The following MMP16 variants were observed in gnomAD, a reference collection of about 807,000 sequenced individuals.
MMP16 encodes the protein matrix metallopeptidase 16.
Under a neutral mutation model 67.8 loss-of-function variants are expected in MMP16, and 12 were observed. The ratio of observed to expected loss-of-function variants is 0.18; its 90% confidence interval spans 0.11 to 0.29. The LOEUF is 0.29. Among genes scored for constraint, MMP16 ranks in the 10% least tolerant of loss-of-function variants. The pLI, the probability that MMP16 is intolerant of heterozygous loss-of-function variation, is 1.00. For synonymous variants in MMP16, 249 were observed against 255.9 expected, an observed-to-expected ratio of 0.97 and a Z score of 0.26; for missense variants, 475 against 765.7, an observed-to-expected ratio of 0.62 and a Z score of 4.48.
Position 88,032,920 on chromosome 8 carries a change from T to C in MMP16, c.*8541A>G, listed in dbSNP as rs1808004584. Reference sequence around the variant, plus strand: ...GCAGAAACTTAAATCTAGATTTTAATACTCTCTCCATAATTGAAAACATCA... The same window carrying C: ...GCAGAAACTTAAATCTAGATTTTAACACTCTCTCCATAATTGAAAACATCA... On this transcript the variant is annotated 3_prime_UTR_variant, in exon 10 of 10. Transcript: ENST00000286614. The C allele has an allele frequency of 6.6e-6, 1 of 152,098 alleles. No individual in the cohort carries two copies. The highest frequency in any genetic ancestry group is 1.5e-5 in the Non-Finnish European group (1 of 67,988). The allele number at this position is 152,098 out of a possible 1,614,324, so 9.4% of individuals were successfully genotyped here. A position where few individuals can be genotyped will look rare whatever the true frequency, so the allele number is the denominator to read the frequency against.
chr8:88,151,756 A>C (rs568594526), intron 4 of MMP16, among the ~76,000 whole-genome samples: 47 of 151,856 alleles, frequency 3.1e-4, no homozygotes, highest in African/African-American at 5.8e-4. Context: ...CCACGAGAGA[A>C]AGCAGGAAAG....
At chr8:88,075,714 G>A (rs1313102959) in intron 6 of MMP16, among the ~76,000 whole-genome samples, 2 of 152,174 alleles carry the variant, frequency 1.3e-5, no homozygotes, top group East Asian at 1.9e-4. Flanking sequence ...TTAAATTTCT[G>A]TATGTATAAG....
intron 3 of MMP16, among the ~76,000 whole-genome samples, chr8:88,181,420 T>C (rs1438768666): frequency 1.3e-5 from 2 of 151,986 alleles, no homozygotes; most frequent in East Asian, 1.9e-4. Context: ...ATGAAAAACA[T>C]AATACCATTT....
Position 88,247,397 on chromosome 8 carries a change from CAT to C in MMP16, c.133-50093_133-50092del, listed in dbSNP as rs1227828078. Reference sequence around the variant, plus strand: ...CCATCATTATATTAGTTTTCAGAAACATGTGACGAGGCGCCCAGAGGGTATAA... The same window carrying C: ...CCATCATTATATTAGTTTTCAGAAACGTGACGAGGCGCCCAGAGGGTATAA... On this transcript the variant is annotated intron_variant, in intron 1 of 9. Transcript: ENST00000286614. 4.1e-4 allele frequency among the ~76,000 whole-genome samples: 62 copies of C among 152,020 alleles called. 1 individual carries two copies. Among genetic ancestry groups the C allele is most frequent in the African/African-American group, 1.4e-3 (57 of 41,374 alleles).
intron 4 of MMP16, among the ~76,000 whole-genome samples, chr8:88,127,135 A>G (rs1807947774): frequency 6.6e-6 from 1 of 151,926 alleles, no homozygotes; most frequent in African/African-American, 2.4e-5. Context: ...CTGGTTAAAC[A>G]TGGTTACTAT....
chr8:88,055,985 T>C, intron 8 of MMP16, 143 bp downstream of exon 8: 1 of 516,496 alleles, frequency 1.9e-6, no homozygotes, highest in Non-Finnish European at 3.1e-6. Flanking sequence ...TTATTTGAAA[T>C]GTAAAACAAT....
rs1217568670 is a variant in MMP16, at chr8:88,088,886, GA to G, written c.1084-14144del. ...GGTCATTTTTATGGGTTTTACCCAT[GA>G]ATTACTGTTGAATACAAAAGCAATT... On this transcript the variant is annotated intron_variant, in intron 6 of 9. Transcript: ENST00000286614. Among the ~76,000 whole-genome samples the G allele has an allele frequency of 2.6e-5, 4 of 152,106 alleles. No individual in the cohort carries two copies. The East Asian group carries it at 7.8e-4, about 30-fold the overall frequency.
At chr8:88,111,635 T>C (rs1334149169) in intron 6 of MMP16, among the ~76,000 whole-genome samples, 1 of 151,194 alleles carries the variant, frequency 6.6e-6, no homozygotes, top group Non-Finnish European at 1.5e-5. Flanking sequence ...TATTGAAGAG[T>C]TTTTAGCAGT....
intron 1 of MMP16, among the ~76,000 whole-genome samples, chr8:88,200,979 A>G (rs1291172687): frequency 6.6e-6 from 1 of 151,944 alleles, no homozygotes; most frequent in Non-Finnish European, 1.5e-5. Context: ...GAAGCTAGTA[A>G]GTTTATCAAT....
In MMP16 at chr8:88,318,676, G is replaced by A. The variant is rs533777530; in HGVS notation, c.132+8399C>T. 2.0e-5 allele frequency among the ~76,000 whole-genome samples: 3 copies of A among 152,246 alleles called. No homozygotes were observed. The South Asian group carries it at 6.2e-4, about 32-fold the overall frequency. ...AACCTTGGCAAGTTCTTCAAACCCTGTGTTGCAGATCCAACACTGTGTAAC... is the reference window on the plus strand; with the variant it reads ...AACCTTGGCAAGTTCTTCAAACCCTATGTTGCAGATCCAACACTGTGTAAC... On this transcript the variant is annotated intron_variant, in intron 1 of 9. Transcript: ENST00000286614.
intron 3 of MMP16, among the ~76,000 whole-genome samples, chr8:88,176,114 T>C (rs1358800511): frequency 6.6e-6 from 1 of 152,180 alleles, no homozygotes; most frequent in Non-Finnish European, 1.5e-5. Flanking sequence ...GACACTAAGA[T>C]TTAGTGGATC....
At chr8:88,097,730 T>C (rs745895958) in intron 6 of MMP16, among the ~76,000 whole-genome samples, 9 of 151,482 alleles carry the variant, frequency 5.9e-5, no homozygotes, top group African/African-American at 7.3e-5. Context: ...TGAAAATCAA[T>C]TATGACAAAG....
chr8:88,043,033 T>C (rs778721984), intron 9 of MMP16, among the ~76,000 whole-genome samples: 1 of 152,218 alleles, frequency 6.6e-6, no homozygotes, highest in Non-Finnish European at 1.5e-5. Context: ...ATGAAGGTAA[T>C]ATTTTTTCCT....
At chr8:88,270,443 T>C (rs901414081) in intron 1 of MMP16, among the ~76,000 whole-genome samples, 11 of 152,146 alleles carry the variant, frequency 7.2e-5, no homozygotes, top group Admixed American at 1.3e-4. Context: ...GTATCTGACA[T>C]ATAATTAGAA....
chr8:88,318,208 T>G (rs1250166277), intron 1 of MMP16, among the ~76,000 whole-genome samples: 3 of 152,202 alleles, frequency 2.0e-5, no homozygotes, highest in Non-Finnish European at 4.4e-5. Flanking sequence ...TCCTGAATAC[T>G]TTGAAAATCA....
intron 4 of MMP16, among the ~76,000 whole-genome samples, chr8:88,133,549 A>T (rs553784619): frequency 4.9e-4 from 74 of 151,956 alleles, no homozygotes; most frequent in African/African-American, 1.7e-3. Context: ...TTGCTACAGT[A>T]GTCACATTCC....
chr8:88,051,856 A>G (rs1463855597), intron 8 of MMP16, among the ~76,000 whole-genome samples: 2 of 152,190 alleles, frequency 1.3e-5, no homozygotes, highest in Non-Finnish European at 2.9e-5. Context: ...TTAGAAACAT[A>G]GCATTTTAAG....
chr8:88,322,810 A>C (rs1811481176), intron 1 of MMP16, among the ~76,000 whole-genome samples: 1 of 152,154 alleles, frequency 6.6e-6, no homozygotes, highest in African/African-American at 2.4e-5. Context: ...ACGTCATGTA[A>C]TGGTTTCATG....
At chr8:88,313,948 C>T (rs553450778) in intron 1 of MMP16, among the ~76,000 whole-genome samples, 2 of 152,222 alleles carry the variant, frequency 1.3e-5, no homozygotes, top group African/African-American at 4.8e-5. Context: ...AAAGACCCGT[C>T]CCCATGATTT....
Sources: allele counts gnomAD v4.1 joint callset (sites outside exome capture counted in the v4.1 genomes callset), GRCh38; gene constraint gnomAD v4.1.1; transcripts MANE v1.5; gene names NCBI Gene and HGNC (gene_info 2026-07-23, HGNC 2026-07-21).